The following CRYBG1 variants were observed in gnomAD, a reference collection of about 807,000 sequenced individuals.
CRYBG1 encodes the protein beta/gamma crystallin domain-containing protein 1.
A neutral mutation model predicts 189.2 loss-of-function variants in CRYBG1; 139 were observed. The ratio of observed to expected loss-of-function variants is 0.73; its 90% CI spans 0.64 to 0.85. CRYBG1 has a LOEUF of 0.85. CRYBG1 is among the 40% of genes least tolerant of loss of function. The pLI, the probability that CRYBG1 is intolerant of heterozygous loss-of-function variation, is 0.00. For synonymous variants in CRYBG1, 1,023 were observed against 1,017.1 expected (o/e 1.01, Z -0.11); for missense variants, 2,611 against 2,675.8 (o/e 0.98, Z 0.53).
At chr6:106,550,655 A>G (rs891193246) in intron 13 of CRYBG1, among the ~76,000 whole-genome samples, 1 of 152,152 alleles carries the variant, frequency 6.6e-6, no homozygotes, top group Non-Finnish European at 1.5e-5. Context: ...TGGAAACAAT[A>G]TTTTAGTTCT....
intron 1 of CRYBG1, among the ~76,000 whole-genome samples, chr6:106,404,200 G>A (rs1271518655): frequency 1.3e-5 from 2 of 152,204 alleles, no homozygotes; most frequent in East Asian, 1.9e-4. Flanking sequence ...GACTTGCTGC[G>A]AGGTTAGATG....
chr6:106,533,952 G>A (rs1457966648), intron 8 of CRYBG1, among the ~76,000 whole-genome samples: 1 of 152,180 alleles, frequency 6.6e-6, no homozygotes, highest in Admixed American at 6.5e-5. Flanking sequence ...GTGTAGTTAA[G>A]GGAAGAGAAG....
intron 1 of CRYBG1, among the ~76,000 whole-genome samples, chr6:106,363,268 T>A (rs1405464113): frequency 1.5e-5 from 2 of 130,360 alleles, no homozygotes; most frequent in Non-Finnish European, 1.6e-5. Context: ...AAAAAAAAAA[T>A]TAAAATAGGA....
In CRYBG1 at chr6:106,363,997, A is replaced by T. The variant is rs187991569; in HGVS notation, c.173+2916A>T. The stretch of plus-strand genomic sequence containing the variant: ...TGGAAAAGATAGGTTTGGATAGGGG[A>T]AAACCAACTCTAGGAAGATCTTTTC... On this transcript the variant is annotated intron_variant, in intron 1 of 21. Coordinates refer to ENST00000633556, the MANE Select transcript of CRYBG1 (RefSeq NM_001371242.2). 5.3e-5 allele frequency among the ~76,000 whole-genome samples: 8 copies of T among 152,290 alleles called. No individual in the cohort carries two copies. The East Asian group carries it at 1.5e-3, about 29-fold the overall frequency.
At chr6:106,373,244 T>C (rs939780031) in intron 1 of CRYBG1, among the ~76,000 whole-genome samples, 1 of 152,230 alleles carries the variant, frequency 6.6e-6, no homozygotes, top group Non-Finnish European at 1.5e-5. Context: ...TGACTTGAAA[T>C]GATTCTAAGA....
chr6:106,375,165 C>T (rs1770128082), intron 1 of CRYBG1, among the ~76,000 whole-genome samples: 1 of 151,500 alleles, frequency 6.6e-6, no homozygotes, highest in Admixed American at 6.6e-5. Context: ...AGGAGGATCA[C>T]TTGAGGCCAA....
At chr6:106,378,504 C>T (rs535018347) in intron 1 of CRYBG1, among the ~76,000 whole-genome samples, 18 of 152,306 alleles carry the variant, frequency 1.2e-4, no homozygotes, top group African/African-American at 4.3e-4. Flanking sequence ...CACACATACC[C>T]ATATTTCTTC....
intron 2 of CRYBG1, among the ~76,000 whole-genome samples, chr6:106,495,250 G>A (rs1423324628): frequency 2.6e-5 from 4 of 152,170 alleles, no homozygotes; most frequent in Non-Finnish European, 4.4e-5. Flanking sequence ...CACTGCCGAA[G>A]GTGAGCTGAT....
intron 2 of CRYBG1, among the ~76,000 whole-genome samples, chr6:106,460,085 C>CA (rs1777847757): frequency 6.6e-6 from 1 of 151,886 alleles, no homozygotes; most frequent in Non-Finnish European, 1.5e-5. Flanking sequence ...CTCCCGGGGT[C>CA]ATGCCATTCT....
At chr6:106,527,870 A>G (rs967153403) in intron 7 of CRYBG1, among the ~76,000 whole-genome samples, 3 of 152,226 alleles carry the variant, frequency 2.0e-5, no homozygotes, top group Non-Finnish European at 4.4e-5. Flanking sequence ...ATCCAAAAAT[A>G]ATTTGGTTGA....
intron 2 of CRYBG1, among the ~76,000 whole-genome samples, chr6:106,507,214 C>T (rs920130438): frequency 2.0e-5 from 3 of 152,204 alleles, no homozygotes; most frequent in Non-Finnish European, 4.4e-5. Flanking sequence ...AACAAGAACA[C>T]TCTAAAGCAG....
At chr6:106,490,662 A>G (rs1443621255) in intron 2 of CRYBG1, among the ~76,000 whole-genome samples, 3 of 152,150 alleles carry the variant, frequency 2.0e-5, no homozygotes, top group East Asian at 1.9e-4. Flanking sequence ...TTTCCTTTGC[A>G]TTTAGCCCCA....
intron 1 of CRYBG1, among the ~76,000 whole-genome samples, chr6:106,422,344 A>ATTTATTTATTTT (rs57640822): frequency 1.3e-4 from 18 of 139,980 alleles, no homozygotes; most frequent in Middle Eastern, 3.6e-3. Flanking sequence ...TTATTTATTT[A>ATTTATTTATTTT]TTTTTGAGAC....
chr6:106,444,376 G>A (rs1015628677), intron 1 of CRYBG1, among the ~76,000 whole-genome samples: 2 of 152,260 alleles, frequency 1.3e-5, no homozygotes, highest in South Asian at 2.1e-4. Context: ...GTGCAATCAC[G>A]CGTGAAACAC....
intron 1 of CRYBG1, among the ~76,000 whole-genome samples, chr6:106,365,009 C>G (rs895509206): frequency 2.6e-5 from 4 of 152,122 alleles, no homozygotes; most frequent in Non-Finnish European, 5.9e-5. Flanking sequence ...CTTGCTTATG[C>G]CTCCTTTGGA....
At chr6:106,457,518 C>T (rs1582773603) in intron 2 of CRYBG1, among the ~76,000 whole-genome samples, 1 of 152,254 alleles carries the variant, frequency 6.6e-6, no homozygotes, top group East Asian at 1.9e-4. Context: ...CATAGCACTA[C>T]CTAAGGTTAG....
chr6:106,555,941 A>T (rs1430675914), intron 17 of CRYBG1, 44 bp downstream of exon 17: 3 of 1,609,580 alleles, frequency 1.9e-6, no homozygotes, highest in Non-Finnish European at 2.6e-6. Context: ...TGTATGCCTC[A>T]TATAGCTGAT....
Position 106,512,220 on chromosome 6 carries a change from G to A in CRYBG1, c.1103G>A (p.Gly368Asp). 1 of 1,537,028 alleles carries A rather than the reference G, an allele frequency of 6.5e-7. No individual in the cohort carries two copies. Among genetic ancestry groups the A allele is most frequent in the Non-Finnish European group, 8.7e-7 (1 of 1,146,934 alleles). Reference protein sequence around the residue: ...AQADCTARPKGHAHPAKVLTL... With the variant: ...AQADCTARPKDHAHPAKVLTL... ...GCAGACTGCACAGCCCGCCCCAAGG[G>A]TCACGCCCACCCTGCTAAGGTGCTA... Residue 368 changes from glycine (G) to aspartate (D), a missense_variant, in exon 3 of 22, where the codon GGT becomes GAT. Physicochemically the swap from Gly to Asp is moderately conservative, Grantham distance 94 (BLOSUM62 -1). Around this residue, in one of 3 missense-constraint regions of CRYBG1, gnomAD observed 985 missense variants for 924.4 expected, o/e 1.07. Transcript: ENST00000633556.
chr6:106,427,243 A>G (rs1486085209), intron 1 of CRYBG1, among the ~76,000 whole-genome samples: 1 of 152,178 alleles, frequency 6.6e-6, no homozygotes, highest in Non-Finnish European at 1.5e-5. Context: ...TCCCAGACAC[A>G]TGTGTCAAAC....
Sources: gnomAD v4.1 joint callset for allele counts (sites outside exome capture counted in the v4.1 genomes callset) on GRCh38, gnomAD v4.1.1 for gene constraint, gnomAD v4.1.1 regional missense constraint, MANE v1.5 for transcripts, NCBI Gene and HGNC (gene_info 2026-07-23, HGNC 2026-07-21) for gene names.